The following JDP2 variants were observed in gnomAD, a reference collection of about 807,000 sequenced individuals.
The protein encoded by JDP2 is Jun dimerization protein 2.
JDP2 carries 9 observed loss-of-function variants against 17.1 expected under a neutral mutation model. That is an observed-to-expected ratio of 0.53 (90% CI 0.32 to 0.92). The LOEUF (loss-of-function observed/expected upper bound fraction) is 0.92. Among genes scored for constraint, JDP2 ranks in the 40% least tolerant of loss-of-function variants. The probability of loss-of-function intolerance (pLI) is 0.04; values close to 1 mark genes in which losing one functional copy is unlikely to be tolerated. For synonymous variants in JDP2, 107 were observed against 95.6 expected (o/e 1.12, Z -0.69); for missense variants, 179 against 220.0 (o/e 0.81, Z 1.18).
At chr14:75,439,249 T>C (rs1885223685) in intron 2 of JDP2, among the ~76,000 whole-genome samples, 1 of 152,196 alleles carries the variant, frequency 6.6e-6, no homozygotes. Context: ...AGAGGACTGC[T>C]GGGGGCTTGG....
intron 3 of JDP2, among the ~76,000 whole-genome samples, chr14:75,463,456 G>A (rs1434286558): frequency 6.6e-6 from 1 of 152,016 alleles, no homozygotes; most frequent in African/African-American, 2.4e-5. Context: ...GGCAGGCGGT[G>A]TCGGCAGTGG....
intron 2 of JDP2, among the ~76,000 whole-genome samples, chr14:75,460,028 TC>T (rs1281426754): frequency 6.6e-6 from 1 of 152,250 alleles, no homozygotes; most frequent in East Asian, 1.9e-4. Flanking sequence ...AATAGTAACT[TC>T]CTCATAAGAC....
intron 2 of JDP2, among the ~76,000 whole-genome samples, chr14:75,441,252 C>G (rs2140053496): frequency 6.6e-6 from 1 of 152,148 alleles, no homozygotes; most frequent in East Asian, 1.9e-4. Flanking sequence ...GGGCTCTGTC[C>G]AAACGCATGG....
rs529004755 is a variant in JDP2 at position 75,428,082 on chromosome 14, G to A, written c.-194G>A. The A allele has an allele frequency of 6.8e-6, 1 of 147,786 alleles. No individual in the cohort carries two copies. The highest frequency in any genetic ancestry group is 6.7e-5 in the Admixed American group (1 of 14,852). 9.2% of individuals were successfully genotyped at this position (147,786 alleles called of 1,614,324 possible). A position where few individuals can be genotyped will look rare whatever the true frequency, so the allele number is the denominator to read the frequency against. On this transcript the variant is annotated 5_prime_UTR_variant, in exon 1 of 4. Transcript: ENST00000651602. This position sits in a 1 kb window ranked among gnomAD's most constrained non-coding sequence, Gnocchi z 5.6. ...GGCCGCGACGGGGGGCGCTGGCGGC[G>A]GCGGACGCTGCAGCGGCGGCGGGGC...
At chr14:75,433,195 CAAAAAAAAAAAAAAAAA>C (rs780191475) in intron 1 of JDP2, among the ~76,000 whole-genome samples, 808 of 19,444 alleles carry the variant, frequency 0.042, 40 homozygotes, top group African/African-American at 0.12. Context: ...AACTCCGTCT[CAAAAAAAAAAAAAAAAA>C]AAAAAAAAAA....
At chr14:75,442,428 C>T (rs1034836907) in intron 2 of JDP2, among the ~76,000 whole-genome samples, 6 of 152,160 alleles carry the variant, frequency 3.9e-5, no homozygotes, top group South Asian at 2.1e-4. Flanking sequence ...ACCCCCAGCC[C>T]GCTTCATACC....
At chr14:75,450,455 C>T (rs904840839) in intron 2 of JDP2, among the ~76,000 whole-genome samples, 4 of 152,220 alleles carry the variant, frequency 2.6e-5, no homozygotes, top group Admixed American at 6.5e-5. Flanking sequence ...AGATGCTGTG[C>T]ACACAGGGCA....
At chr14:75,437,295 C>T (rs1371675078) in intron 1 of JDP2, among the ~76,000 whole-genome samples, 1 of 152,138 alleles carries the variant, frequency 6.6e-6, no homozygotes, top group Non-Finnish European at 1.5e-5. Flanking sequence ...CACACACACT[C>T]ACCTTTAACT....
chr14:75,470,829 C>T lies in JDP2; in HGVS notation c.*1354C>T, dbSNP rs531078513. 4 of 152,346 alleles carry T rather than the reference C, an allele frequency of 2.6e-5. No homozygotes were observed. Among genetic ancestry groups the T allele is most frequent in the Admixed American group, 1.3e-4 (2 of 15,306 alleles). 9.4% of individuals were successfully genotyped at this position (152,346 alleles called of 1,614,324 possible). A position where few individuals can be genotyped will look rare whatever the true frequency, so the allele number is the denominator to read the frequency against. On this transcript the variant is annotated 3_prime_UTR_variant, in exon 4 of 4. Transcript: ENST00000651602. ...CCTTGCCAGGGAACAGCACTTGTCC[C>T]CAATTCACAGATGGCGAATTAGAGG...
At chr14:75,437,320 C>T (rs946927595) in intron 1 of JDP2, among the ~76,000 whole-genome samples, 2 of 152,164 alleles carry the variant, frequency 1.3e-5, no homozygotes, top group African/African-American at 4.8e-5. Flanking sequence ...TTTGCTTCAT[C>T]TCCTACTCAG....
At chr14:75,432,415 C>G (rs1042827193) in intron 1 of JDP2, 1 of 1,373,942 alleles carries the variant, frequency 7.3e-7, no homozygotes, top group Non-Finnish European at 1.0e-6. Context: ...CCGGTTCTGT[C>G]CTGGGAATCT....
At position 75,448,505 on chromosome 14, in the gene JDP2, C is replaced by T. The variant is rs78987617; in HGVS notation, c.201+10384C>T. Among the ~76,000 whole-genome samples, 300 of 152,300 alleles carry T rather than the reference C, an allele frequency of 2.0e-3. 6 individuals carry two copies. In the East Asian group the frequency reaches 0.021, roughly 10 times the overall value. ...AAAGGATCTAAAACCACATTTTTCT[C>T]AACACCTATCTCAAGCTTCCTAGAT... On this transcript the variant is annotated intron_variant, in intron 2 of 3. Transcript: ENST00000651602.
Position 75,431,181 on chromosome 14 carries a change from C to T in JDP2, c.-24+2929C>T, listed in dbSNP as rs551991815. 1.1e-4 allele frequency among the ~76,000 whole-genome samples: 17 copies of T among 152,314 alleles called. No individual in the cohort carries two copies. In the East Asian group the frequency reaches 2.3e-3, roughly 21 times the overall value. ...ATAGAAAGCTTGTCCAATGGTTGTACGCTCCCAGCTTCCTCTTGCTGCCTG... is the reference window on the plus strand; with the variant it reads ...ATAGAAAGCTTGTCCAATGGTTGTATGCTCCCAGCTTCCTCTTGCTGCCTG... On this transcript the variant is annotated intron_variant, in intron 1 of 3. Transcript: ENST00000651602.
At chr14:75,444,601 T>C (rs541790618) in intron 2 of JDP2, among the ~76,000 whole-genome samples, 1 of 152,326 alleles carries the variant, frequency 6.6e-6, no homozygotes, top group East Asian at 1.9e-4. Context: ...AACTGCCCTT[T>C]CCAAAGTAGT....
chr14:75,464,016 A>G (rs555646937), intron 3 of JDP2, among the ~76,000 whole-genome samples: 16 of 152,322 alleles, frequency 1.1e-4, no homozygotes, highest in African/African-American at 3.4e-4. Context: ...TGGAAGTGTC[A>G]TGTTGTTCCA....
intron 2 of JDP2, among the ~76,000 whole-genome samples, chr14:75,441,177 T>C (rs1333830213): frequency 6.6e-6 from 1 of 152,028 alleles, no homozygotes; most frequent in African/African-American, 2.4e-5. Context: ...GCTGAGCCGC[T>C]GTGCGGGCAG....
chr14:75,460,074 G>A (rs1413818542), intron 2 of JDP2, among the ~76,000 whole-genome samples: 1 of 152,216 alleles, frequency 6.6e-6, no homozygotes, highest in Non-Finnish European at 1.5e-5. Context: ...TGTGTTTAAA[G>A]CATTTATCAA....
chr14:75,430,247 C>G lies in JDP2; in HGVS notation c.-24+1995C>G, dbSNP rs1459706933. ...ACTGGTGTTGCAATGGGCTGTCTCT[C>G]TCGAGTGTCTGTTTCCAGCTCCACT... On this transcript the variant is annotated intron_variant, in intron 1 of 3. Coordinates refer to ENST00000651602, the MANE Select transcript of JDP2 (RefSeq NM_001135048.2). This position sits in a 1 kb window ranked among gnomAD's most constrained non-coding sequence, Gnocchi z 4.5. Among the ~76,000 whole-genome samples the G allele has an allele frequency of 1.3e-5, 2 of 152,164 alleles. No homozygotes were observed. The highest frequency in any genetic ancestry group is 2.9e-5 in the Non-Finnish European group (2 of 68,026).
At chr14:75,460,052 G>A (rs1886287951) in intron 2 of JDP2, among the ~76,000 whole-genome samples, 1 of 152,228 alleles carries the variant, frequency 6.6e-6, no homozygotes, top group Non-Finnish European at 1.5e-5. Flanking sequence ...TGATGGTGAG[G>A]ATTAAATGAC....
Sources: allele counts gnomAD v4.1 joint callset (sites outside exome capture counted in the v4.1 genomes callset), GRCh38; gene constraint gnomAD v4.1.1; non-coding constraint Gnocchi (gnomAD v3.1); transcripts MANE v1.5; gene names NCBI Gene and HGNC (gene_info 2026-07-23, HGNC 2026-07-21).